Variants in CHRM3 observed in about 807,000 individuals in gnomAD.
The protein encoded by CHRM3 is cholinergic receptor muscarinic 3.
In CHRM3, 11 loss-of-function variants were observed where a neutral mutation model predicts 41.8. That is an observed-to-expected ratio of 0.26 (90% confidence interval 0.17 to 0.44). The LOEUF (loss-of-function observed/expected upper bound fraction) is 0.44. Among genes scored for constraint, CHRM3 ranks in the 20% least tolerant of loss-of-function variants. The pLI, the probability that CHRM3 is intolerant of heterozygous loss-of-function variation, is 1.00. For missense variants in CHRM3, 571 were observed against 745.4 expected (o/e 0.77, Z 2.72); for synonymous variants, 297 against 301.4 (o/e 0.99, Z 0.15).
chr1:239,460,862 C>A (rs1272912078), intron 1 of CHRM3, among the ~76,000 whole-genome samples: 1 of 152,108 alleles, frequency 6.6e-6, no homozygotes, highest in Non-Finnish European at 1.5e-5. Flanking sequence ...GATTCTTAGA[C>A]AAATGTATAG....
intron 3 of CHRM3, among the ~76,000 whole-genome samples, chr1:239,586,650 A>T (rs1663433426): frequency 6.6e-6 from 1 of 152,148 alleles, no homozygotes; most frequent in Non-Finnish European, 1.5e-5. Flanking sequence ...CTGGGATGTT[A>T]TAAAGCAGAT....
At chr1:239,869,921 A>G (rs1040191694) in intron 6 of CHRM3, among the ~76,000 whole-genome samples, 4 of 152,124 alleles carry the variant, frequency 2.6e-5, no homozygotes, top group African/African-American at 9.7e-5. Flanking sequence ...GGGAGTGATC[A>G]TTTGGAGTTA....
chr1:239,522,593 G>A (rs1257229048), intron 2 of CHRM3, among the ~76,000 whole-genome samples: 1 of 152,174 alleles, frequency 6.6e-6, no homozygotes, highest in Non-Finnish European at 1.5e-5. Flanking sequence ...ACTGGCTTTG[G>A]TTGGACATGT....
intron 1 of CHRM3, among the ~76,000 whole-genome samples, chr1:239,426,310 A>G (rs963278670): frequency 1.3e-5 from 2 of 151,430 alleles, no homozygotes; most frequent in Non-Finnish European, 2.9e-5. Context: ...TCTAGCTCCT[A>G]ACTCAATGAT....
intron 5 of CHRM3, among the ~76,000 whole-genome samples, chr1:239,739,794 T>C (rs1664687182): frequency 6.6e-6 from 1 of 152,212 alleles, no homozygotes; most frequent in Non-Finnish European, 1.5e-5. Context: ...TTTAGCAATC[T>C]AATGTTTTCT....
chr1:239,816,980 C>T (rs1671646507), intron 5 of CHRM3, among the ~76,000 whole-genome samples: 1 of 152,156 alleles, frequency 6.6e-6, no homozygotes. Flanking sequence ...ACCTCGGCCT[C>T]CCAAAGTGCT....
chr1:239,580,642 A>G (rs1348312766), intron 3 of CHRM3, among the ~76,000 whole-genome samples: 1 of 137,686 alleles, frequency 7.3e-6, no homozygotes, highest in African/African-American at 2.6e-5. Context: ...GCTTGCTCTC[A>G]TTTGTATGTG....
At chr1:239,718,283 T>G (rs1662594049) in intron 5 of CHRM3, among the ~76,000 whole-genome samples, 1 of 152,034 alleles carries the variant, frequency 6.6e-6, no homozygotes, top group South Asian at 2.1e-4. Context: ...TAAACTCAGT[T>G]TGGAATTTGA....
intron 2 of CHRM3, among the ~76,000 whole-genome samples, chr1:239,537,298 G>T (rs1311850068): frequency 6.6e-6 from 1 of 152,128 alleles, no homozygotes; most frequent in Admixed American, 6.5e-5. Flanking sequence ...GGTTCTGCAG[G>T]CTGTACAGGA....
intron 1 of CHRM3, among the ~76,000 whole-genome samples, chr1:239,397,168 G>T (rs1659555848): frequency 6.6e-6 from 1 of 152,124 alleles, no homozygotes; most frequent in Non-Finnish European, 1.5e-5. Context: ...TATCTTTGAT[G>T]ACAAGTTAAA....
At chr1:239,818,158 A>G (rs1253783932) in intron 5 of CHRM3, among the ~76,000 whole-genome samples, 1 of 152,186 alleles carries the variant, frequency 6.6e-6, no homozygotes, top group East Asian at 1.9e-4. Flanking sequence ...CCTGGATTGT[A>G]GATGGCCGCC....
intron 2 of CHRM3, among the ~76,000 whole-genome samples, chr1:239,493,877 G>T (rs1667714443): frequency 6.6e-6 from 1 of 152,178 alleles, no homozygotes; most frequent in African/African-American, 2.4e-5. Flanking sequence ...GCTTAGCCCA[G>T]GAGGGTTCTT....
Position 239,456,569 on chromosome 1 carries a change from C to T in CHRM3, c.-520-36140C>T, listed in dbSNP as rs1472328632. On this transcript the variant is annotated intron_variant, in intron 1 of 6. Transcript: ENST00000676153. ...CAGAATCATCTAAGGAGGCATTTCT[C>T]GGAACGTATCCTGGTCCTTAAGTGA... 7.2e-5 allele frequency among the ~76,000 whole-genome samples: 11 copies of T among 152,266 alleles called. No individual in the cohort carries two copies. The South Asian group carries it at 8.3e-4, about 11-fold the overall frequency.
At chr1:239,779,832 T>C (rs981409212) in intron 5 of CHRM3, among the ~76,000 whole-genome samples, 2 of 152,260 alleles carry the variant, frequency 1.3e-5, no homozygotes, top group East Asian at 1.9e-4. Flanking sequence ...CTGATCTTTT[T>C]ACTGTCTCCA....
chr1:239,805,407 C>T (rs1670554848), intron 5 of CHRM3, among the ~76,000 whole-genome samples: 1 of 152,154 alleles, frequency 6.6e-6, no homozygotes, highest in South Asian at 2.1e-4. Flanking sequence ...GACTGCAGGT[C>T]TATCAGCAAG....
intron 6 of CHRM3, among the ~76,000 whole-genome samples, chr1:239,863,076 G>A (rs957110505): frequency 1.3e-5 from 2 of 152,178 alleles, no homozygotes; most frequent in South Asian, 4.1e-4. Context: ...TAGTCTAGTT[G>A]TGAGCAGCAG....
intron 4 of CHRM3, among the ~76,000 whole-genome samples, chr1:239,642,629 G>A (rs1305061016): frequency 6.6e-6 from 1 of 152,034 alleles, no homozygotes; most frequent in Non-Finnish European, 1.5e-5. Context: ...GCTCCTTTAA[G>A]CACTTCTCTG....
intron 3 of CHRM3, among the ~76,000 whole-genome samples, chr1:239,562,107 G>T (rs568385069): frequency 8.9e-4 from 135 of 152,110 alleles, no homozygotes; most frequent in Non-Finnish European, 1.7e-3. Flanking sequence ...ATCTACTAAT[G>T]AGGCTAAAAC....
At chr1:239,399,611 T>C (rs1488331997) in intron 1 of CHRM3, among the ~76,000 whole-genome samples, 1 of 152,206 alleles carries the variant, frequency 6.6e-6, no homozygotes, top group Non-Finnish European at 1.5e-5. Flanking sequence ...GGTCTTTCTG[T>C]GCCTGACTCA....
Sources: gnomAD v4.1 joint callset for allele counts (sites outside exome capture counted in the v4.1 genomes callset) on GRCh38, gnomAD v4.1.1 for gene constraint, MANE v1.5 for transcripts, NCBI Gene and HGNC (gene_info 2026-07-23, HGNC 2026-07-21) for gene names.